The following IDE variants were observed in gnomAD, a reference collection of about 807,000 sequenced individuals.
IDE encodes the protein insulin-degrading enzyme.
IDE carries 58 observed loss-of-function variants against 133.2 expected under a neutral mutation model. The observed-to-expected ratio is 0.44, with a 90% confidence interval of 0.35 to 0.54. The LOEUF (loss-of-function observed/expected upper bound fraction) is 0.54, where lower values mean the gene tolerates loss of function less well. Among genes scored for constraint, IDE ranks in the 20% least tolerant of loss-of-function variants. The pLI is 0.00. For missense variants in IDE, 981 were observed against 1,234.0 expected (o/e 0.79, Z 3.07); for synonymous variants, 396 against 421.3 (o/e 0.94, Z 0.73).
At chr10:92,556,741 G>C (rs1459621650) in intron 1 of IDE, among the ~76,000 whole-genome samples, 1 of 151,824 alleles carries the variant, frequency 6.6e-6, no homozygotes, top group Non-Finnish European at 1.5e-5. Flanking sequence ...CTGGGCAACA[G>C]AGCGAAAGTC....
intron 4 of IDE, among the ~76,000 whole-genome samples, chr10:92,523,911 A>C (rs1369097033): frequency 6.6e-6 from 1 of 152,064 alleles, no homozygotes; most frequent in Non-Finnish European, 1.5e-5. Flanking sequence ...TGTTTGGAGA[A>C]ACAGATCAGT....
intron 3 of IDE, among the ~76,000 whole-genome samples, chr10:92,532,468 T>C (rs1386806667): frequency 6.6e-6 from 1 of 152,120 alleles, no homozygotes; most frequent in African/African-American, 2.4e-5. Flanking sequence ...AAAAACATAA[T>C]GCAGTAAAAA....
intron 4 of IDE, among the ~76,000 whole-genome samples, chr10:92,517,247 G>T (rs181142124): frequency 6.6e-6 from 1 of 152,326 alleles, no homozygotes; most frequent in Admixed American, 6.5e-5. Flanking sequence ...ACAGTACTAA[G>T]ATTCCTGTCC....
At chr10:92,545,685 T>G (rs1842509090) in intron 1 of IDE, among the ~76,000 whole-genome samples, 1 of 152,208 alleles carries the variant, frequency 6.6e-6, no homozygotes, top group South Asian at 2.1e-4. Flanking sequence ...GAAGTTGGTG[T>G]GACAGATTAA....
intron 1 of IDE, among the ~76,000 whole-genome samples, 165 bp downstream of exon 1, chr10:92,573,756 GC>G (rs1273218804): frequency 6.6e-6 from 1 of 152,254 alleles, no homozygotes; most frequent in Non-Finnish European, 1.5e-5. Context: ...GCTCTTCCGG[GC>G]CCTGGGGCGG....
At chr10:92,524,510 A>ATAAAATATATATTATAT (rs1204515740) in intron 4 of IDE, among the ~76,000 whole-genome samples, 1 of 79,212 alleles carries the variant, frequency 1.3e-5, no homozygotes, top group Non-Finnish European at 2.3e-5. Context: ...TTTATATAAT[A>ATAAAATATATATTATAT]TATAATATAT....
chr10:92,461,143 A>G, intron 22 of IDE, 48 bp downstream of exon 22: 2 of 935,678 alleles, frequency 2.1e-6, no homozygotes, highest in Non-Finnish European at 3.5e-6. Context: ...ACCCAGCCCT[A>G]TAATACTTTC....
chr10:92,486,451 A>G (rs78857521), intron 13 of IDE, among the ~76,000 whole-genome samples: 5,154 of 152,282 alleles, frequency 0.034, 137 homozygotes, highest in Admixed American at 0.058. Context: ...TATCTCATTG[A>G]ACTCATCTAA....
intron 1 of IDE, among the ~76,000 whole-genome samples, chr10:92,565,804 T>C (rs1445574450): frequency 6.6e-6 from 1 of 152,076 alleles, no homozygotes; most frequent in Non-Finnish European, 1.5e-5. Flanking sequence ...ATGTATATTC[T>C]TTCTAAAAAA....
At chr10:92,527,832 T>C (rs763799594) in intron 4 of IDE, among the ~76,000 whole-genome samples, 9 of 152,104 alleles carry the variant, frequency 5.9e-5, no homozygotes, top group Non-Finnish European at 1.0e-4. Flanking sequence ...CTGACTAACA[T>C]GGTGAAACCC....
In IDE at chr10:92,463,762, T is replaced by G; in HGVS notation, c.2730A>C (p.Glu910Asp). The change falls in exon 21 of 25, where the codon GAA becomes GAC. Residue 910 changes from glutamate (E) to aspartate (D), a missense_variant. Physicochemically the swap from Glu to Asp is conservative, Grantham distance 45 (BLOSUM62 2). Around this residue, in one of 2 missense-constraint regions of IDE, gnomAD observed 660 missense variants for 894.7 expected, o/e 0.74. Coordinates refer to ENST00000265986, the MANE Select transcript of IDE (RefSeq NM_004969.4). Reference sequence around the variant, plus strand: ...CAAAATTATATTGCTGGGAGATGATTTCTCCCCAGTATTTAGCACACTCAG... The same window carrying G: ...CAAAATTATATTGCTGGGAGATGATGTCTCCCCAGTATTTAGCACACTCAG... Reference protein sequence around the residue: ...LSAECAKYWGEIISQQYNFDR... With the variant: ...LSAECAKYWGDIISQQYNFDR... The G allele has an allele frequency of 6.2e-7, 1 of 1,613,964 alleles. No homozygotes were observed. Among genetic ancestry groups the G allele is most frequent in the African/African-American group, 1.3e-5 (1 of 75,058 alleles).
rs1342197834 is a variant in IDE at position 92,452,358 on chromosome 10, G to A, written c.*2086C>T. Reference sequence around the variant, plus strand: ...TGGTCAAAAAAGAAGACTTTCTTAAGAAGCCTCAGGTAACTAATAACTTAG... The same window carrying A: ...TGGTCAAAAAAGAAGACTTTCTTAAAAAGCCTCAGGTAACTAATAACTTAG... On this transcript the variant is annotated 3_prime_UTR_variant, in exon 25 of 25. Coordinates refer to ENST00000265986, the MANE Select transcript of IDE (RefSeq NM_004969.4). 1 of 152,210 alleles carries A rather than the reference G, an allele frequency of 6.6e-6. No individual in the cohort carries two copies. The highest frequency in any genetic ancestry group is 1.5e-5 in the Non-Finnish European group (1 of 68,038). The allele number at this position is 152,210 out of a possible 1,614,324, so 9.4% of individuals were successfully genotyped here. A position where few individuals can be genotyped will look rare whatever the true frequency, so the allele number is the denominator to read the frequency against.
intron 1 of IDE, among the ~76,000 whole-genome samples, chr10:92,567,907 G>A (rs1843628002): frequency 6.6e-6 from 1 of 152,150 alleles, no homozygotes; most frequent in African/African-American, 2.4e-5. Context: ...GGAGTTCATG[G>A]CTGCAGTGAG....
At chr10:92,561,768 A>G (rs1843296259) in intron 1 of IDE, among the ~76,000 whole-genome samples, 2 of 150,948 alleles carry the variant, frequency 1.3e-5, no homozygotes, top group South Asian at 4.2e-4. Context: ...TCACCAAAAA[A>G]AAATAAAATA....
At chr10:92,513,455 A>T (rs1350270677) in intron 5 of IDE, among the ~76,000 whole-genome samples, 1 of 152,210 alleles carries the variant, frequency 6.6e-6, no homozygotes, top group East Asian at 1.9e-4. Flanking sequence ...GGCCTTCCGA[A>T]GTGCTGGAAT....
chr10:92,481,429 T>TA (rs1474490648), intron 14 of IDE, among the ~76,000 whole-genome samples: 3 of 152,164 alleles, frequency 2.0e-5, no homozygotes, highest in East Asian at 3.9e-4. Context: ...CTCTGTCTCC[T>TA]AAAAAAAGAG....
chr10:92,489,352 C>A (rs1752050653), intron 12 of IDE, among the ~76,000 whole-genome samples: 1 of 152,048 alleles, frequency 6.6e-6, no homozygotes, highest in Non-Finnish European at 1.5e-5. Flanking sequence ...GAGATCAAGA[C>A]CATCCTGGCC....
At position 92,544,712 on chromosome 10, in the gene IDE, A is replaced by G. The variant is rs183869525; in HGVS notation, c.99-7162T>C. 1.1e-3 allele frequency among the ~76,000 whole-genome samples: 169 copies of G among 152,368 alleles called. 1 individual carries two copies. Among genetic ancestry groups the G allele is most frequent in the Non-Finnish European group, 1.5e-3 (104 of 68,042 alleles). ...CTAGGTCAAAATAAATGCTCCAAGG[A>G]AAGTTTTCAGTTTTTCACTCCTTCT... On this transcript the variant is annotated intron_variant, in intron 1 of 24. Coordinates refer to ENST00000265986, the MANE Select transcript of IDE (RefSeq NM_004969.4).
At chr10:92,557,529 CA>C (rs796766582) in intron 1 of IDE, among the ~76,000 whole-genome samples, 4 of 150,856 alleles carry the variant, frequency 2.7e-5, no homozygotes, top group African/African-American at 9.7e-5. Context: ...GACTCCATCT[CA>C]AAAAAAACCA....
Sources: gnomAD v4.1 joint callset for allele counts (sites outside exome capture counted in the v4.1 genomes callset) on GRCh38, gnomAD v4.1.1 for gene constraint, gnomAD v4.1.1 regional missense constraint, MANE v1.5 for transcripts, NCBI Gene and HGNC (gene_info 2026-07-23, HGNC 2026-07-21) for gene names.